Variants in OLFML2A observed in about 807,000 individuals in gnomAD.
OLFML2A encodes the protein olfactomedin like 2A.
Under a neutral mutation model 60.9 loss-of-function variants are expected in OLFML2A, and 47 were observed. That is an observed-to-expected ratio of 0.77 (90% confidence interval 0.61 to 0.98). The LOEUF is 0.98. Among genes scored for constraint, OLFML2A ranks in the 50% least tolerant of loss-of-function variants. OLFML2A has a pLI of 0.00. For synonymous variants in OLFML2A, 372 were observed against 375.0 expected (o/e 0.99, Z 0.09); for missense variants, 922 against 879.8 (o/e 1.05, Z -0.61).
rs1336384169 is a variant in OLFML2A at position 124,777,797 on chromosome 9, C to T, written c.90+437C>T. ...ACCCGATGAACGCAGCCGCGCTGGC[C>T]ACTCGCCTGGCCTCTGATGTTCTTG... On this transcript the variant is annotated intron_variant, in intron 1 of 7. Coordinates refer to ENST00000373580, the MANE Select transcript of OLFML2A (RefSeq NM_182487.4). This position sits in a 1 kb window ranked among gnomAD's most constrained non-coding sequence, Gnocchi z 6.2. 1.4e-4 allele frequency among the ~76,000 whole-genome samples: 21 copies of T among 152,250 alleles called. No individual in the cohort carries two copies. Among genetic ancestry groups the T allele is most frequent in the African/African-American group, 5.1e-4 (21 of 41,542 alleles).
chr9:124,808,660 AAGAAG>A (rs1375414459), intron 7 of OLFML2A, among the ~76,000 whole-genome samples: 1 of 152,030 alleles, frequency 6.6e-6, no homozygotes, highest in Non-Finnish European at 1.5e-5. Context: ...TGGGCCCTGG[AAGAAG>A]AGTAGGAGTA....
At chr9:124,800,537 C>G (rs1342072598) in intron 4 of OLFML2A, among the ~76,000 whole-genome samples, 1 of 152,208 alleles carries the variant, frequency 6.6e-6, no homozygotes, top group South Asian at 2.1e-4. Context: ...CTCTTCCTCT[C>G]TTCTTCTCCA....
chr9:124,794,496 G>T (rs889053928), intron 2 of OLFML2A, among the ~76,000 whole-genome samples: 2 of 151,432 alleles, frequency 1.3e-5, no homozygotes, highest in Admixed American at 1.3e-4. Context: ...CGTGGTAAGG[G>T]CTCAGAAGAT....
rs1842064470 is a variant in OLFML2A, at chr9:124,813,722, C to T, written c.*3310C>T. The T allele has an allele frequency of 6.6e-6, 1 of 152,112 alleles. No individual in the cohort carries two copies. The highest frequency in any genetic ancestry group is 1.9e-4 in the East Asian group (1 of 5,200). 9.4% of individuals were successfully genotyped at this position (152,112 alleles called of 1,614,324 possible). A position where few individuals can be genotyped will look rare whatever the true frequency, so the allele number is the denominator to read the frequency against. Reference sequence around the variant, plus strand: ...TAGAACAAAGTCAAGTATAAATTTACAGAGAAAAAATTCTAAGACAGTTGG... The same window carrying T: ...TAGAACAAAGTCAAGTATAAATTTATAGAGAAAAAATTCTAAGACAGTTGG... On this transcript the variant is annotated 3_prime_UTR_variant, in exon 8 of 8. Coordinates refer to ENST00000373580, the MANE Select transcript of OLFML2A (RefSeq NM_182487.4).
In OLFML2A at chr9:124,810,288, C is replaced by T. The variant is rs374898874; in HGVS notation, c.1835C>T (p.Pro612Leu). 1.9e-6 allele frequency: 3 copies of T among 1,610,054 alleles called. No homozygotes were observed. The African/African-American group carries it at 4.0e-5, about 21-fold the overall frequency. The change falls in exon 8 of 8, where the codon CCC (proline) becomes CTC (leucine). Residue 612 changes from proline to leucine, a missense_variant. Transcript: ENST00000373580. ...ACGCACACGGGCACCGACGCACGCC[C>T]CCAGCTGCCGTTCCTCAACGAGCAC... ...FDTHTGTDAR[P>L]QLPFLNEHAY...
chr9:124,809,657 CATA>C, intron 7 of OLFML2A, 148 bp from the exon 8 acceptor site: 4 of 847,338 alleles, frequency 4.7e-6, no homozygotes, highest in South Asian at 1.8e-5. Flanking sequence ...ACGCTTGTGC[CATA>C]ATAAGATGTC....
chr9:124,808,945 C>T (rs1214211882), intron 7 of OLFML2A, among the ~76,000 whole-genome samples: 15 of 151,458 alleles, frequency 9.9e-5, no homozygotes, highest in African/African-American at 3.6e-4. Context: ...CACTTCAAGT[C>T]AGGAGTTCAA....
At chr9:124,799,636 G>C (rs1841736894) in intron 4 of OLFML2A, 145 bp downstream of exon 4, 1 of 672,610 alleles carries the variant, frequency 1.5e-6, no homozygotes, top group African/African-American at 1.8e-5. Flanking sequence ...AGAGTCCCTG[G>C]CAGGGTGAGG....
In OLFML2A at chr9:124,812,055, C is replaced by T. The variant is rs1462558285; in HGVS notation, c.*1643C>T. 6.6e-6 allele frequency: 1 copy of T among 152,348 alleles called. No individual in the cohort carries two copies. The highest frequency in any genetic ancestry group is 1.9e-4 in the East Asian group (1 of 5,178). The allele number at this position is 152,348 out of a possible 1,614,324, so 9.4% of individuals were successfully genotyped here. ...CCTGCCCCCTGGCCCTTGCTGCCTT[C>T]ATTCTGTCCCAATGCCAGCTCCCTG... On this transcript the variant is annotated 3_prime_UTR_variant, in exon 8 of 8. Transcript: ENST00000373580.
rs777350219 is a variant in OLFML2A, at chr9:124,807,823, C to T, written c.1211C>T (p.Pro404Leu). 6 of 1,613,828 alleles carry T rather than the reference C, an allele frequency of 3.7e-6. No individual in the cohort carries two copies. Among genetic ancestry groups the T allele is most frequent in the Non-Finnish European group, 2.5e-6 (3 of 1,179,982 alleles). ...GAGGGCACCCTCCGGGCTGTGGACCCCCCTGTGAGGCACCACAGCTATGGG... is the reference window on the plus strand; with the variant it reads ...GAGGGCACCCTCCGGGCTGTGGACCTCCCTGTGAGGCACCACAGCTATGGG... ...SCEGTLRAVD[P>L]PVRHHSYGRH... Residue 404 changes from proline (P) to leucine (L), a missense_variant, in exon 7 of 8, where the codon CCC becomes CTC. Coordinates refer to ENST00000373580, the MANE Select transcript of OLFML2A (RefSeq NM_182487.4).
intron 4 of OLFML2A, among the ~76,000 whole-genome samples, chr9:124,800,055 C>G (rs1269249764): frequency 6.6e-6 from 1 of 152,246 alleles, no homozygotes; most frequent in Admixed American, 6.5e-5. Context: ...CCACCCATGA[C>G]AGATAACACA....
intron 7 of OLFML2A, among the ~76,000 whole-genome samples, chr9:124,809,059 T>C (rs894196279): frequency 1.3e-5 from 2 of 150,910 alleles, no homozygotes; most frequent in African/African-American, 2.4e-5. Context: ...CCCAGCTACT[T>C]GGGAGGCTAA....
rs1841491134 is a variant in OLFML2A, at chr9:124,787,163, T to C, written c.279T>C (p.Pro93=). ...ACTGCCGCTGCTCCTGTACCGCACC[T>C]CCCTCCTCTCTCAACCCCTGTGAGA... ...GTDCRCSCTA[P]PSSLNPCENE... The change falls in exon 2 of 8, where the codon CCT becomes CCC. Residue 93 remains proline, a synonymous_variant. Transcript: ENST00000373580. 1 of 1,613,996 alleles carries C rather than the reference T, an allele frequency of 6.2e-7. No homozygotes were observed. The highest frequency in any genetic ancestry group is 1.1e-5 in the South Asian group (1 of 91,080).
At chr9:124,791,601 G>A (rs1187958573) in intron 2 of OLFML2A, among the ~76,000 whole-genome samples, 1 of 151,984 alleles carries the variant, frequency 6.6e-6, no homozygotes, top group Non-Finnish European at 1.5e-5. Context: ...AGCCAAGTAT[G>A]GTGGCGGGCA....
chr9:124,808,613 G>A (rs1841947531), intron 7 of OLFML2A, among the ~76,000 whole-genome samples: 1 of 152,158 alleles, frequency 6.6e-6, no homozygotes, highest in Non-Finnish European at 1.5e-5. Flanking sequence ...CCAGCCTAGA[G>A]ATCAGGGAAG....
At position 124,801,504 on chromosome 9, in the gene OLFML2A, G is replaced by GTT; in HGVS notation, c.760_761insTT (p.Glu254ValfsTer10). ...CAGAGGCCTCCCAAAACCTCCCAAGGAGAAGCTGCTTCAGGTGGAGAAGCT... is the reference window on the plus strand; with the variant it reads ...CAGAGGCCTCCCAAAACCTCCCAAGGTTAGAAGCTGCTTCAGGTGGAGAAGCT... On this transcript the variant is annotated frameshift_variant, in exon 5 of 8. Coordinates refer to ENST00000373580, the MANE Select transcript of OLFML2A (RefSeq NM_182487.4). LOFTEE classifies it high-confidence loss of function. The GTT allele has an allele frequency of 6.2e-7, 1 of 1,614,118 alleles. No homozygotes were observed. The highest frequency in any genetic ancestry group is 1.7e-5 in the Admixed American group (1 of 60,010).
rs1443925393 is a variant in OLFML2A at position 124,810,210 on chromosome 9, A to G, written c.1757A>G (p.Tyr586Cys). The G allele has an allele frequency of 3.1e-6, 5 of 1,613,746 alleles. No individual in the cohort carries two copies. Among genetic ancestry groups the G allele is most frequent in the Non-Finnish European group, 4.2e-6 (5 of 1,180,014 alleles). The part of the protein sequence containing the change: ...GNCFLVCGIL[Y>C]AVDTYNQQEG... ...TGCTTCCTGGTGTGCGGCATCCTGT[A>G]TGCCGTGGACACGTACAACCAGCAG... Residue 586 changes from tyrosine (Y) to cysteine (C), a missense_variant, in exon 8 of 8, where the codon TAT (tyrosine) becomes TGT (cysteine). Transcript: ENST00000373580.
rs147725950 is a variant in OLFML2A, at chr9:124,810,639, T to A, written c.*227T>A. ...CTTCCCACACACTTACCCGTTTGAT[T>A]CTCCTAGCACCTCCCTTGGAGGTAG... is the stretch of plus-strand genomic sequence containing the variant. On this transcript the variant is annotated 3_prime_UTR_variant, in exon 8 of 8. Coordinates refer to ENST00000373580, the MANE Select transcript of OLFML2A (RefSeq NM_182487.4). 108 of 576,840 alleles carry A rather than the reference T, an allele frequency of 1.9e-4. No homozygotes were observed. Among genetic ancestry groups the A allele is most frequent in the African/African-American group, 1.7e-3 (93 of 53,550 alleles). The allele number at this position is 576,840 out of a possible 1,614,324, so 35.7% of individuals were successfully genotyped here. A position where few individuals can be genotyped will look rare whatever the true frequency, so the allele number is the denominator to read the frequency against.
At chr9:124,787,406 T>C (rs1841496655) in intron 2 of OLFML2A, among the ~76,000 whole-genome samples, 168 bp downstream of exon 2, 2 of 152,318 alleles carry the variant, frequency 1.3e-5, no homozygotes, top group African/African-American at 4.8e-5. Context: ...TGCCAGGAAG[T>C]GACAAAGGCA....
Sources: allele counts gnomAD v4.1 joint callset (sites outside exome capture counted in the v4.1 genomes callset), GRCh38; gene constraint gnomAD v4.1.1; non-coding constraint Gnocchi (gnomAD v3.1); transcripts MANE v1.5; gene names NCBI Gene and HGNC (gene_info 2026-07-23, HGNC 2026-07-21).